ARHGAP30: variants seen among roughly 807,000 people sequenced by gnomAD.
ARHGAP30 encodes the protein Rho GTPase activating protein 30.
In ARHGAP30, 23 loss-of-function variants were observed where a neutral mutation model predicts 72.0. That is an observed-to-expected ratio of 0.32 (90% CI 0.23 to 0.45). The LOEUF is 0.45. ARHGAP30 is among the 20% of genes least tolerant of loss of function. ARHGAP30 has a pLI of 1.00. For missense variants in ARHGAP30, 1,319 were observed against 1,383.4 expected (o/e 0.95, Z 0.74); for synonymous variants, 576 against 528.2 (o/e 1.09, Z -1.24).
rs776608050 is a variant in ARHGAP30, at chr1:161,052,645, T to A, written c.817A>T (p.Ile273Phe). 1 of 1,613,876 alleles carries A rather than the reference T, an allele frequency of 6.2e-7. No individual in the cohort carries two copies. The highest frequency in any genetic ancestry group is 1.3e-5 in the African/African-American group (1 of 74,982). Reference protein sequence around the residue: ...PPQMRPYHTIIEIAEHKRKGS... With the variant: ...PPQMRPYHTIFEIAEHKRKGS... Reference sequence around the variant, plus strand: ...CCTTACTTGTGCTCTGCAATCTCGATGATAGTATGGTAGGGCCGCATCTGT... The same window carrying A: ...CCTTACTTGTGCTCTGCAATCTCGAAGATAGTATGGTAGGGCCGCATCTGT... The change falls in exon 7 of 12, where the codon ATC becomes TTC. Residue 273 changes from isoleucine to phenylalanine, a missense_variant. By Grantham distance (21) the Ile-to-Phe change is conservative. This residue lies in a region of ARHGAP30 where 1,097 missense variants were observed against 1,045.2 expected (regional missense o/e 1.05). Transcript: ENST00000368013.
chr1:161,056,569 TG>T, intron 2 of ARHGAP30, 37 bp from the exon 3 acceptor site: 2 of 1,593,856 alleles, frequency 1.3e-6, no homozygotes, highest in Non-Finnish European at 8.5e-7. Context: ...TGGTAGGGGT[TG>T]GGGTGATGTG....
chr1:161,056,587 G>C, intron 2 of ARHGAP30, 55 bp from the exon 3 acceptor site: 1 of 1,579,220 alleles, frequency 6.3e-7, no homozygotes, highest in South Asian at 1.1e-5. Context: ...TGTGGGGAGA[G>C]GTGGGTCCCT....
rs1290050673 is a variant in ARHGAP30 at position 161,069,456 on chromosome 1, T to G, written c.97+72A>C. 5.3e-6 allele frequency: 8 copies of G among 1,507,510 alleles called. No homozygotes were observed. In the Admixed American group the frequency reaches 8.4e-5, roughly 16 times the overall value. 93.4% of individuals were successfully genotyped at this position (1,507,510 alleles called of 1,614,324 possible). A position where few individuals can be genotyped will look rare whatever the true frequency, so the allele number is the denominator to read the frequency against. On this transcript the variant is annotated intron_variant, in intron 1 of 11. Transcript: ENST00000368013. This position sits in a 1 kb window ranked among gnomAD's most constrained non-coding sequence, Gnocchi z 4.9. Reference sequence around the variant, plus strand: ...GAGCACCGGAAACTGCTTCTGCCCTTCAGGCTGGATCGGGCTGCAGATGCC... The same window carrying G: ...GAGCACCGGAAACTGCTTCTGCCCTGCAGGCTGGATCGGGCTGCAGATGCC...
intron 1 of ARHGAP30, among the ~76,000 whole-genome samples, chr1:161,064,615 G>C (rs956843403): frequency 2.6e-5 from 4 of 151,882 alleles, no homozygotes; most frequent in African/African-American, 9.7e-5. Context: ...AAAATTAGCA[G>C]GGCATGGTGG....
At chr1:161,062,056 C>T (rs907021507) in intron 1 of ARHGAP30, among the ~76,000 whole-genome samples, 1 of 152,082 alleles carries the variant, frequency 6.6e-6, no homozygotes, top group East Asian at 1.9e-4. Context: ...CCACTGTACT[C>T]CAGCTTTAAT....
intron 3 of ARHGAP30, 66 bp downstream of exon 3, chr1:161,056,322 T>C: frequency 6.4e-7 from 1 of 1,571,222 alleles, no homozygotes; most frequent in South Asian, 1.2e-5. Context: ...GTGGCACACT[T>C]GGGATGTCAA....
chr1:161,065,015 C>T (rs1438537114), intron 1 of ARHGAP30, among the ~76,000 whole-genome samples: 2 of 152,018 alleles, frequency 1.3e-5, no homozygotes, highest in African/African-American at 4.8e-5. Context: ...CTTATGGGCC[C>T]ATGAGTCTTG....
chr1:161,055,883 AAAT>A (rs1381467466), intron 3 of ARHGAP30, among the ~76,000 whole-genome samples: 70,442 of 116,042 alleles, frequency 0.61, 20,489 homozygotes, highest in Non-Finnish European at 0.66. Flanking sequence ...AATAAAATAA[AAAT>A]AAATAAAATA....
chr1:161,063,042 ACCTCAGGTGATCTGCCCACCTCAG>A (rs1480418181), intron 1 of ARHGAP30, among the ~76,000 whole-genome samples: 1 of 152,058 alleles, frequency 6.6e-6, no homozygotes, highest in African/African-American at 2.4e-5. Context: ...CGAACTCCCG[ACCTCAGGTGATCTGCCCACCTCAG>A]CCTCTCAAAG....
intron 1 of ARHGAP30, among the ~76,000 whole-genome samples, chr1:161,066,643 T>TAA (rs1652795277): frequency 6.4e-5 from 1 of 15,694 alleles, no homozygotes; most frequent in African/African-American, 8.3e-4. Flanking sequence ...AGACTGCATC[T>TAA]CAAAAAAAAA....
Position 161,048,297 on chromosome 1 carries a change from G to A in ARHGAP30, c.2724C>T (p.Gly908=). The A allele has an allele frequency of 6.2e-7, 1 of 1,614,204 alleles. No homozygotes were observed. Among genetic ancestry groups the A allele is most frequent in the Non-Finnish European group, 8.5e-7 (1 of 1,180,028 alleles). ...GGCCAAGAGAACAGGGGCATAGACA[G>A]CCGTCTGGACTGGGCTGCCCCTCAG... The part of the protein sequence containing the change: ...MEPEGQPSPD[G]CLCPCSLGLG... Residue 908 remains glycine, a synonymous_variant, in exon 12 of 12, where the codon GGC becomes GGT. Transcript: ENST00000368013.
Position 161,048,521 on chromosome 1 carries a change from C to T in ARHGAP30, c.2500G>A (p.Val834Ile), listed in dbSNP as rs1269228257. 5.6e-6 allele frequency: 9 copies of T among 1,614,042 alleles called. No homozygotes were observed. In the Middle Eastern group the frequency reaches 4.9e-4, roughly 88 times the overall value. ...EAATEGGAGE[V>I]SKERESGDGE... ...TCCCCACTCTCCCGTTCCTTGCTGA[C>T]CTCCCCTGCTCCTCCTTCAGTTGCT... Residue 834 changes from valine (V) to isoleucine (I), a missense_variant, in exon 12 of 12, where the codon GTC becomes ATC. By Grantham distance (29) the Val-to-Ile change is conservative (BLOSUM62 3). Around this residue, in one of 2 missense-constraint regions of ARHGAP30, gnomAD observed 1,097 missense variants for 1,045.2 expected, o/e 1.05. Coordinates refer to ENST00000368013, the MANE Select transcript of ARHGAP30 (RefSeq NM_001025598.2).
chr1:161,052,876 T>A, intron 6 of ARHGAP30, 79 bp from the exon 7 acceptor site: 1 of 1,521,352 alleles, frequency 6.6e-7, no homozygotes, highest in Non-Finnish European at 8.9e-7. Context: ...TCATCACCCC[T>A]CGCCAACTAC....
Position 161,052,776 on chromosome 1 carries a change from C to G in ARHGAP30, c.686G>C (p.Trp229Ser). The change falls in exon 7 of 12, where the codon TGG becomes TCG. Residue 229 changes from tryptophan (W) to serine (S), a missense_variant. Around this residue, in one of 2 missense-constraint regions of ARHGAP30, gnomAD observed 222 missense variants for 338.2 expected, o/e 0.66. Transcript: ENST00000368013. ...ALSGGEVESG[W>S]RSLPGTRASG... The stretch of plus-strand genomic sequence containing the variant: ...TGCCCGGGTCCCTGGAAGCGATCGC[C>G]ACCCACTCTCCACCTCACCACCTGG... 1 of 1,611,576 alleles carries G rather than the reference C, an allele frequency of 6.2e-7. No individual in the cohort carries two copies. The highest frequency in any genetic ancestry group is 1.1e-5 in the South Asian group (1 of 90,998).
chr1:161,068,453 G>T (rs536797208), intron 1 of ARHGAP30, among the ~76,000 whole-genome samples: 1 of 152,106 alleles, frequency 6.6e-6, no homozygotes, highest in Admixed American at 6.5e-5. Context: ...ACGCAGGGGC[G>T]GGGCTAAGAG....
chr1:161,048,151 A>C lies in ARHGAP30; in HGVS notation c.2870T>G (p.Ile957Ser). 6.2e-7 allele frequency: 1 copy of C among 1,614,170 alleles called. No homozygotes were observed. The highest frequency in any genetic ancestry group is 8.5e-7 in the Non-Finnish European group (1 of 1,180,036). The change falls in exon 12 of 12, where the codon ATT (isoleucine) becomes AGT (serine). Residue 957 changes from isoleucine (I) to serine (S), a missense_variant. Physicochemically the swap from Ile to Ser is moderately radical, Grantham distance 142 (BLOSUM62 -2). Transcript: ENST00000368013. ...GCATGGATTTGCAGGTGCCACATGA[A>C]TCTTGCTACACATTGCACTGGGCAT... ...AKMPSAMCSK[I>S]HVAPANPCPR...
intron 1 of ARHGAP30, among the ~76,000 whole-genome samples, chr1:161,062,074 C>T (rs1011654767): frequency 3.9e-5 from 6 of 151,968 alleles, no homozygotes; most frequent in African/African-American, 1.5e-4. Context: ...AATGACAGAG[C>T]AAGACTCGGT....
Position 161,051,341 on chromosome 1 carries a change from C to A in ARHGAP30, c.1393G>T (p.Gly465Cys). 6.2e-7 allele frequency: 1 copy of A among 1,608,976 alleles called. No homozygotes were observed. The highest frequency in any genetic ancestry group is 8.5e-7 in the Non-Finnish European group (1 of 1,177,338). Residue 465 changes from glycine to cysteine, a missense_variant, in exon 10 of 12, where the codon GGC becomes TGC. Around this residue, in one of 2 missense-constraint regions of ARHGAP30, gnomAD observed 1,097 missense variants for 1,045.2 expected, o/e 1.05. Coordinates refer to ENST00000368013, the MANE Select transcript of ARHGAP30 (RefSeq NM_001025598.2). ...RPSPASGPGPGPGLGPGPPDE... is the reference protein window; with the variant it reads ...RPSPASGPGPCPGLGPGPPDE... ...GGGGGGCCAGGGCCAAGGCCAGGGC[C>A]AGGGCCAGGGCCAGAGGCAGGGCTT...
At position 161,059,089 on chromosome 1, in the gene ARHGAP30, C is replaced by T. The variant is rs527243880; in HGVS notation, c.200+525G>A. Among the ~76,000 whole-genome samples the T allele has an allele frequency of 4.9e-4, 74 of 151,736 alleles. No individual in the cohort carries two copies. The Middle Eastern group carries it at 0.014, about 28-fold the overall frequency. On this transcript the variant is annotated intron_variant, in intron 2 of 11. Coordinates refer to ENST00000368013, the MANE Select transcript of ARHGAP30 (RefSeq NM_001025598.2). ...TGTCACCCAGGCTGGAGTGCAGTGG[C>T]GCAATCTTGGCTCACTGCAACCTCT...
Sources: allele counts gnomAD v4.1 joint callset (sites outside exome capture counted in the v4.1 genomes callset), GRCh38; gene constraint gnomAD v4.1.1; regional missense constraint gnomAD v4.1.1; non-coding constraint Gnocchi (gnomAD v3.1); transcripts MANE v1.5; gene names NCBI Gene and HGNC (gene_info 2026-07-23, HGNC 2026-07-21).